Variants in KDM5B observed in about 807,000 individuals in gnomAD.
The protein encoded by KDM5B is lysine demethylase 5B, also known as lysine-specific demethylase 5B.
KDM5B carries 144 observed loss-of-function variants against 193.4 expected under a neutral mutation model. The observed-to-expected ratio is 0.74, with a 90% CI of 0.65 to 0.86. The LOEUF (loss-of-function observed/expected upper bound fraction) is 0.86. Ranked by LOEUF, KDM5B falls within the 40% of genes least tolerant of loss-of-function variation. KDM5B has a pLI of 0.00. For missense variants in KDM5B, 1,833 were observed against 1,886.9 expected, an observed-to-expected ratio of 0.97 and a Z score of 0.53; for synonymous variants, 668 against 682.6, an observed-to-expected ratio of 0.98 and a Z score of 0.33.
chr1:202,753,221 G>A (rs1163900278), intron 11 of KDM5B, among the ~76,000 whole-genome samples, 154 bp from the exon 12 acceptor site: 3 of 152,182 alleles, frequency 2.0e-5, no homozygotes, highest in African/African-American at 7.2e-5. Context: ...ATGTGAGCCA[G>A]GTGCTGTGGC....
Position 202,729,840 on chromosome 1 carries a change from C to T in KDM5B, c.4364G>A (p.Arg1455His), listed in dbSNP as rs145517771. ...DMNNFKLERE[R>H]SYELVRSAET... ...AGCAGAACGAACTAATTCATAGCTA[C>T]GCTCTCTCTCTAACTTGAAATTGTT... Residue 1455 changes from arginine (R) to histidine (H), a missense_variant, in exon 26 of 27, where the codon CGT (arginine) becomes CAT (histidine). Arg to His is a conservative substitution (Grantham distance 29, BLOSUM62 0). This residue lies in a region of KDM5B where 1,379 missense variants were observed against 1,349.6 expected (regional missense o/e 1.02). Transcript: ENST00000367265. 152 of 1,614,162 alleles carry T rather than the reference C, an allele frequency of 9.4e-5. No individual in the cohort carries two copies. The highest frequency in any genetic ancestry group is 1.2e-4 in the Non-Finnish European group (145 of 1,180,006).
chr1:202,737,158 T>C (rs567326265), intron 20 of KDM5B, among the ~76,000 whole-genome samples: 2 of 152,270 alleles, frequency 1.3e-5, no homozygotes, highest in Non-Finnish European at 2.9e-5. Context: ...TTTACCCCAA[T>C]CCACTCACCA....
intron 9 of KDM5B, among the ~76,000 whole-genome samples, chr1:202,758,123 C>T (rs929285528): frequency 1.3e-5 from 2 of 151,788 alleles, no homozygotes; most frequent in African/African-American, 4.8e-5. Context: ...AAAATGATTG[C>T]TGATGATTTT....
intron 1 of KDM5B, among the ~76,000 whole-genome samples, chr1:202,800,841 G>A (rs2102347176): frequency 6.6e-6 from 1 of 152,308 alleles, no homozygotes; most frequent in African/African-American, 2.4e-5. Flanking sequence ...ACACCTCCAT[G>A]TGCCAACAGA....
Position 202,773,273 on chromosome 1 carries a change from C to T in KDM5B, c.421G>A (p.Gly141Ser). ...FQLNKLVAEE[G>S]GFAVVCKDRK... ...TCCTTGCAAACAACTGCAAATCCAC[C>T]TTCTTCTGCAACTAACTGTTAAAAT... Residue 141 changes from glycine to serine, a missense_variant, in exon 4 of 27, where the codon GGT (glycine) becomes AGT (serine). Gly to Ser is a moderately conservative substitution (Grantham distance 56, BLOSUM62 0). Transcript: ENST00000367265. 6.2e-7 allele frequency: 1 copy of T among 1,614,030 alleles called. No homozygotes were observed. The highest frequency in any genetic ancestry group is 8.5e-7 in the Non-Finnish European group (1 of 1,179,978).
chr1:202,739,977 A>G (rs1166433444), intron 20 of KDM5B, among the ~76,000 whole-genome samples: 3 of 152,300 alleles, frequency 2.0e-5, no homozygotes, highest in Middle Eastern at 3.4e-3. Flanking sequence ...CCCGTTCTCA[A>G]TGAGCTGTTG....
At chr1:202,740,433 C>T (rs557447860) in intron 20 of KDM5B, among the ~76,000 whole-genome samples, 3,094 of 127,146 alleles carry the variant, frequency 0.024, 364 homozygotes, top group Non-Finnish European at 0.035. Flanking sequence ...CCCTCCCGGA[C>T]GGGGCGGCTG....
intron 2 of KDM5B, among the ~76,000 whole-genome samples, chr1:202,775,379 T>C (rs569264010): frequency 1.3e-5 from 2 of 148,810 alleles, no homozygotes; most frequent in Non-Finnish European, 3.0e-5. Context: ...CTACTAAAAA[T>C]ACAAAAAATT....
chr1:202,773,998 A>C (rs1656830152), intron 3 of KDM5B, among the ~76,000 whole-genome samples: 1 of 152,088 alleles, frequency 6.6e-6, no homozygotes, highest in Non-Finnish European at 1.5e-5. Flanking sequence ...CGACCTCCCA[A>C]AATGCTGGGA....
intron 7 of KDM5B, 112 bp downstream of exon 7, chr1:202,762,587 A>T (rs1382160133): frequency 1.4e-6 from 1 of 695,570 alleles, no homozygotes; most frequent in Admixed American, 2.3e-5. Context: ...TAAGTTAAAC[A>T]ATCTTATTTA....
intron 1 of KDM5B, among the ~76,000 whole-genome samples, chr1:202,801,848 C>T (rs573805405): frequency 1.3e-5 from 2 of 152,216 alleles, no homozygotes; most frequent in African/African-American, 4.8e-5. Context: ...ATGGCTTTCC[C>T]AAGGTATCAA....
rs376876331 is a variant in KDM5B, at chr1:202,746,270, A to T, written c.2070T>A (p.Arg690=). The T allele has an allele frequency of 7.4e-6, 12 of 1,613,390 alleles. No homozygotes were observed. The African/African-American group carries it at 1.5e-4, about 20-fold the overall frequency. The change falls in exon 15 of 27, where the codon CGT becomes CGA. Residue 690 remains arginine (R), a synonymous_variant. Transcript: ENST00000367265. ...MDFELLPDDE[R]QCVKCKTTCF... ...ATGTAGTTTTGCATTTTACACACTG[A>T]CGTTCATCATCTGGCAACAGCTCAA... is the stretch of plus-strand genomic sequence containing the variant.
chr1:202,800,824 G>A (rs572191882), intron 1 of KDM5B, among the ~76,000 whole-genome samples: 18 of 152,164 alleles, frequency 1.2e-4, no homozygotes, highest in African/African-American at 3.6e-4. Flanking sequence ...CCCACCAACC[G>A]ACTCCAACAC....
intron 16 of KDM5B, among the ~76,000 whole-genome samples, chr1:202,744,786 G>A (rs1211896430): frequency 6.6e-6 from 1 of 152,108 alleles, no homozygotes; most frequent in Non-Finnish European, 1.5e-5. Context: ...ACCGAGCAAT[G>A]CCATTACTGG....
chr1:202,749,525 C>T (rs1361516664), intron 13 of KDM5B, among the ~76,000 whole-genome samples: 2 of 152,090 alleles, frequency 1.3e-5, no homozygotes, highest in African/African-American at 4.8e-5. Context: ...CCACTGCACT[C>T]CAGCCTGGGT....
intron 2 of KDM5B, among the ~76,000 whole-genome samples, chr1:202,776,622 C>A (rs943042810): frequency 1.9e-4 from 29 of 152,070 alleles, no homozygotes; most frequent in Non-Finnish European, 3.5e-4. Context: ...AGTGCAGTGG[C>A]ACAACCATGG....
At chr1:202,737,254 T>C (rs910803895) in intron 20 of KDM5B, among the ~76,000 whole-genome samples, 2 of 152,242 alleles carry the variant, frequency 1.3e-5, no homozygotes, top group African/African-American at 4.8e-5. Context: ...AACTTTACCA[T>C]GTATAAGAAT....
chr1:202,804,769 G>A (rs1218233638), intron 1 of KDM5B, among the ~76,000 whole-genome samples: 8 of 151,860 alleles, frequency 5.3e-5, no homozygotes, highest in Admixed American at 3.9e-4. Flanking sequence ...CAGCACTTTG[G>A]GAGGCCGAGG....
chr1:202,741,347 A>G lies in KDM5B; in HGVS notation c.2945+20T>C. 6.7e-7 allele frequency: 1 copy of G among 1,498,292 alleles called. No homozygotes were observed. The allele number at this position is 1,498,292 out of a possible 1,614,324, so 92.8% of individuals were successfully genotyped here. Reference sequence around the variant, plus strand: ...ATAACTGTCCAACCTTCCCAAAGAAAGAGAAGTCTGCTTTTTCACCTGGCC... The same window carrying G: ...ATAACTGTCCAACCTTCCCAAAGAAGGAGAAGTCTGCTTTTTCACCTGGCC... On this transcript the variant is annotated intron_variant, in intron 19 of 26. Coordinates refer to ENST00000367265, the MANE Select transcript of KDM5B (RefSeq NM_006618.5).
Sources: allele counts gnomAD v4.1 joint callset (sites outside exome capture counted in the v4.1 genomes callset), GRCh38; gene constraint gnomAD v4.1.1; regional missense constraint gnomAD v4.1.1; transcripts MANE v1.5; gene names NCBI Gene and HGNC (gene_info 2026-07-23, HGNC 2026-07-21).